Variants in VTCN1 observed in about 807,000 individuals in gnomAD.
VTCN1 encodes the protein V-set domain-containing T-cell activation inhibitor 1.
VTCN1 carries 26 observed loss-of-function variants against 26.5 expected under a neutral mutation model. The observed-to-expected ratio is 0.98, with a 90% CI of 0.72 to 1.36. The LOEUF (loss-of-function observed/expected upper bound fraction) is 1.36, where lower values mean the gene tolerates loss of function less well. VTCN1 is among the 40% of genes most tolerant of loss of function. VTCN1 has a pLI of 0.00. For missense variants in VTCN1, 298 were observed against 337.7 expected (o/e 0.88, Z 0.92); for synonymous variants, 116 against 130.7 (o/e 0.89, Z 0.77).
intron 1 of VTCN1, among the ~76,000 whole-genome samples, chr1:117,210,184 C>T (rs1464571065): frequency 1.3e-5 from 2 of 151,764 alleles, no homozygotes; most frequent in Non-Finnish European, 2.9e-5. Flanking sequence ...GGGGAGGGAA[C>T]TTGCTTCCTT....
At chr1:117,172,291 C>T (rs144353759) in intron 1 of VTCN1, 12 of 509,724 alleles carry the variant, frequency 2.4e-5, no homozygotes, top group African/African-American at 1.9e-4. Context: ...GTTCCCCTGC[C>T]GGCCAAGCCC....
At chr1:117,197,568 C>T (rs142701597) in intron 1 of VTCN1, among the ~76,000 whole-genome samples, 228 of 152,208 alleles carry the variant, frequency 1.5e-3, no homozygotes, top group African/African-American at 5.3e-3. Flanking sequence ...TTACATAGGG[C>T]GTACACCAAG....
intron 1 of VTCN1, among the ~76,000 whole-genome samples, chr1:117,171,631 C>G (rs193032399): frequency 1.4e-4 from 22 of 152,302 alleles, no homozygotes; most frequent in African/African-American, 4.1e-4. Context: ...GGAAGTATTG[C>G]TTACATGTAC....
rs1205633790 is a variant in VTCN1, at chr1:117,147,909, C to T, written c.725-127G>A. On this transcript the variant is annotated intron_variant, in intron 4 of 5. Coordinates refer to ENST00000369458, the MANE Select transcript of VTCN1 (RefSeq NM_024626.4). This position sits in a 1 kb window ranked among gnomAD's most constrained non-coding sequence, Gnocchi z 4.6. ...TGTTCCTAATTCAGGCAATTTTTTA[C>T]CCCTTTGCCCACCTCTCCGTAACTG... 4 of 1,268,816 alleles carry T rather than the reference C, an allele frequency of 3.2e-6. No homozygotes were observed. Among genetic ancestry groups the T allele is most frequent in the Non-Finnish European group, 4.3e-6 (4 of 927,818 alleles). 78.6% of individuals were successfully genotyped at this position (1,268,816 alleles called of 1,614,324 possible).
chr1:117,210,301 G>T (rs961732243), intron 1 of VTCN1, among the ~76,000 whole-genome samples: 2 of 152,144 alleles, frequency 1.3e-5, no homozygotes, highest in Non-Finnish European at 2.9e-5. Flanking sequence ...TTGAGCTGGG[G>T]GGGCCTGGGG....
intron 1 of VTCN1, among the ~76,000 whole-genome samples, chr1:117,205,148 A>ATG (rs1371988010): frequency 9.5e-6 from 1 of 105,544 alleles, no homozygotes; most frequent in African/African-American, 2.9e-5. Context: ...ATATTTTTAT[A>ATG]TATATATATA....
intron 1 of VTCN1, among the ~76,000 whole-genome samples, chr1:117,178,591 T>TTTG (rs1359254496): frequency 1.4e-5 from 2 of 140,110 alleles, no homozygotes; most frequent in African/African-American, 5.4e-5. Flanking sequence ...TTCTTTCGTT[T>TTTG]TTTTTTTTTT....
chr1:117,156,833 G>C lies in VTCN1; in HGVS notation c.186C>G (p.Ile62Met), dbSNP rs1360680576. The change falls in exon 3 of 6, where the codon ATC becomes ATG. Residue 62 changes from isoleucine to methionine, a missense_variant. Coordinates refer to ENST00000369458, the MANE Select transcript of VTCN1 (RefSeq NM_024626.4). ...ATTGTATCACGATATCAGAAAGTTTGATGTCAGGTTCAAAAGTGCAGCTCA... is the reference window on the plus strand; with the variant it reads ...ATTGTATCACGATATCAGAAAGTTTCATGTCAGGTTCAAAAGTGCAGCTCA... ...GILSCTFEPD[I>M]KLSDIVIQWL... 6.2e-7 allele frequency: 1 copy of C among 1,614,020 alleles called. No individual in the cohort carries two copies. The highest frequency in any genetic ancestry group is 8.5e-7 in the Non-Finnish European group (1 of 1,180,014).
intron 1 of VTCN1, among the ~76,000 whole-genome samples, chr1:117,204,827 C>G (rs1370449573): frequency 7.5e-6 from 1 of 132,840 alleles, no homozygotes; most frequent in African/African-American, 2.6e-5. Context: ...GATCACACCA[C>G]TGTACTCCAG....
At chr1:117,190,014 T>C (rs1346292358) in intron 1 of VTCN1, among the ~76,000 whole-genome samples, 2 of 152,174 alleles carry the variant, frequency 1.3e-5, no homozygotes, top group Non-Finnish European at 2.9e-5. Context: ...TTGGTCTTGG[T>C]CCTGCCACCA....
chr1:117,168,706 A>T (rs1570955578), intron 2 of VTCN1, among the ~76,000 whole-genome samples: 1 of 152,314 alleles, frequency 6.6e-6, no homozygotes, highest in East Asian at 1.9e-4. Context: ...AAAGAGAAAG[A>T]CAAATACCCC....
At chr1:117,205,550 A>C (rs192577364) in intron 1 of VTCN1, among the ~76,000 whole-genome samples, 1 of 152,060 alleles carries the variant, frequency 6.6e-6, no homozygotes, top group African/African-American at 2.4e-5. Context: ...CAGACCAACA[A>C]TCCACAGGCT....
chr1:117,165,190 G>A (rs1032738774), intron 2 of VTCN1, among the ~76,000 whole-genome samples: 5 of 152,208 alleles, frequency 3.3e-5, no homozygotes, highest in Non-Finnish European at 7.3e-5. Context: ...TTGAAATACA[G>A]CCATGCTCAC....
At chr1:117,176,827 G>C (rs1222327812) in intron 1 of VTCN1, among the ~76,000 whole-genome samples, 1 of 152,200 alleles carries the variant, frequency 6.6e-6, no homozygotes, top group African/African-American at 2.4e-5. Flanking sequence ...GGCTGAGTGT[G>C]GTGGCTCATG....
At chr1:117,208,129 AG>A (rs1649188983) in intron 1 of VTCN1, among the ~76,000 whole-genome samples, 1 of 152,194 alleles carries the variant, frequency 6.6e-6, no homozygotes, top group South Asian at 2.1e-4. Context: ...AGTCTATCGA[AG>A]GCCCAGTGTG....
intron 4 of VTCN1, among the ~76,000 whole-genome samples, chr1:117,148,623 TA>T (rs2101428035): frequency 6.6e-6 from 1 of 152,316 alleles, no homozygotes; most frequent in Non-Finnish European, 1.5e-5. Context: ...ATATGTCATT[TA>T]AAAACATAAT....
At chr1:117,176,764 A>G (rs1314315685) in intron 1 of VTCN1, among the ~76,000 whole-genome samples, 4 of 152,238 alleles carry the variant, frequency 2.6e-5, no homozygotes, top group Non-Finnish European at 5.9e-5. Flanking sequence ...TAGGTTTATA[A>G]AGAATGCTGA....
At chr1:117,152,899 CCATA>C (rs1189857008) in intron 4 of VTCN1, among the ~76,000 whole-genome samples, 188 bp downstream of exon 4, 2 of 151,986 alleles carry the variant, frequency 1.3e-5, no homozygotes, top group Non-Finnish European at 2.9e-5. Context: ...GACCTATATG[CCATA>C]CATATTGTTT....
At chr1:117,190,404 C>T (rs959259037) in intron 1 of VTCN1, among the ~76,000 whole-genome samples, 2 of 152,204 alleles carry the variant, frequency 1.3e-5, no homozygotes, top group African/African-American at 4.8e-5. Flanking sequence ...GCTGAAGGAA[C>T]TCTGTGACTT....
Sources: allele counts gnomAD v4.1 joint callset (sites outside exome capture counted in the v4.1 genomes callset), GRCh38; gene constraint gnomAD v4.1.1; non-coding constraint Gnocchi (gnomAD v3.1); transcripts MANE v1.5; gene names NCBI Gene and HGNC (gene_info 2026-07-23, HGNC 2026-07-21).